Variants in FREM3 observed in about 807,000 individuals in gnomAD.
The protein encoded by FREM3 is FRAS1-related extracellular matrix protein 3.
A neutral mutation model predicts 129.1 loss-of-function variants in FREM3; 105 were observed. The ratio of observed to expected loss-of-function variants is 0.81; its 90% CI spans 0.69 to 0.96. The LOEUF (loss-of-function observed/expected upper bound fraction) is 0.96. Ranked by LOEUF, FREM3 falls within the 40% of genes least tolerant of loss-of-function variation. The probability of loss-of-function intolerance (pLI) is 0.00; values close to 1 mark genes in which losing one functional copy is unlikely to be tolerated. For missense variants in FREM3, 2,593 were observed against 2,666.3 expected, an observed-to-expected ratio of 0.97 and a Z score of 0.61; for synonymous variants, 1,014 against 1,044.9, an observed-to-expected ratio of 0.97 and a Z score of 0.57.
intron 6 of FREM3, among the ~76,000 whole-genome samples, chr4:143,609,611 A>G (rs1045762897): frequency 5.3e-5 from 8 of 152,130 alleles, no homozygotes; most frequent in Admixed American, 1.3e-4. Context: ...TAGTTGCTTC[A>G]ATATCCTAAT....
intron 2 of FREM3, among the ~76,000 whole-genome samples, chr4:143,689,213 T>C (rs1338444359): frequency 6.6e-6 from 1 of 151,800 alleles, no homozygotes; most frequent in East Asian, 1.9e-4. Context: ...AAAAGTGGGC[T>C]TAAGGACATG....
At chr4:143,660,023 T>G (rs879871376) in intron 2 of FREM3, among the ~76,000 whole-genome samples, 32 of 147,332 alleles carry the variant, frequency 2.2e-4, no homozygotes, top group Middle Eastern at 7.0e-3. Flanking sequence ...TTTCTCCCAT[T>G]TTGTAGGTTG....
intron 2 of FREM3, among the ~76,000 whole-genome samples, chr4:143,634,921 C>T (rs149149414): frequency 3.0e-4 from 45 of 152,184 alleles, no homozygotes; most frequent in African/African-American, 9.6e-4. Context: ...AGCTATGCCC[C>T]CACAGGCTTC....
chr4:143,700,231 T>TAGG lies in FREM3; in HGVS notation c.444_445insCCT (p.Pro148dup), dbSNP rs1194250019. The stretch of plus-strand genomic sequence containing the variant: ...GTGAAGGGCAGCACCAGAGTGTGAG[T>TAGG]CGGGGCGTCGTAGCGCAGCTGCAGC... On this transcript the variant is annotated inframe_insertion, in exon 1 of 8. Coordinates refer to ENST00000329798, the MANE Select transcript of FREM3 (RefSeq NM_001168235.2). 9 of 1,536,636 alleles carry TAGG rather than the reference T, an allele frequency of 5.9e-6. No homozygotes were observed. In the Admixed American group the frequency reaches 9.8e-5, roughly 17 times the overall value.
rs79837096 is a variant in FREM3 at position 143,627,980 on chromosome 4, C to G, written c.5276-220G>C. Among the ~76,000 whole-genome samples, 518 of 152,134 alleles carry G rather than the reference C, an allele frequency of 3.4e-3. 4 individuals carry two copies. Among genetic ancestry groups the G allele is most frequent in the African/African-American group, 0.012 (504 of 41,524 alleles). ...TTCCTCCTGCTTAATCTGGAGGGAG[C>G]CAGGTGCCTCCTATTCCCAAAGGGT... On this transcript the variant is annotated intron_variant, in intron 2 of 7. Coordinates refer to ENST00000329798, the MANE Select transcript of FREM3 (RefSeq NM_001168235.2).
intron 2 of FREM3, among the ~76,000 whole-genome samples, chr4:143,656,124 A>T (rs1324783470): frequency 1.3e-5 from 2 of 152,186 alleles, no homozygotes; most frequent in African/African-American, 4.8e-5. Context: ...GAAAACAAGT[A>T]ATTCATGCAT....
chr4:143,585,749 A>G lies in FREM3; in HGVS notation c.6178+95T>C. The stretch of plus-strand genomic sequence containing the variant: ...CCAGAGAAACTTTCATTCAGAGTCC[A>G]TCAACAAAGACTAAGCATGCTTACA... On this transcript the variant is annotated intron_variant, in intron 7 of 7. Transcript: ENST00000329798. This position sits in a 1 kb window ranked among gnomAD's most constrained non-coding sequence, Gnocchi z 4.2. The G allele has an allele frequency of 3.1e-6, 4 of 1,272,328 alleles. No individual in the cohort carries two copies. Among genetic ancestry groups the G allele is most frequent in the Non-Finnish European group, 4.3e-6 (4 of 940,596 alleles). The allele number at this position is 1,272,328 out of a possible 1,614,324, so 78.8% of individuals were successfully genotyped here. A position where few individuals can be genotyped will look rare whatever the true frequency, so the allele number is the denominator to read the frequency against.
At chr4:143,627,292 T>C (rs1034192834) in intron 3 of FREM3, among the ~76,000 whole-genome samples, 20 of 152,174 alleles carry the variant, frequency 1.3e-4, no homozygotes, top group African/African-American at 4.8e-4. Flanking sequence ...AAAACAACTT[T>C]TAAGGAAATT....
intron 2 of FREM3, among the ~76,000 whole-genome samples, chr4:143,668,081 A>T (rs1739897316): frequency 6.6e-6 from 1 of 152,250 alleles, no homozygotes; most frequent in Non-Finnish European, 1.5e-5. Context: ...TAAATAGATG[A>T]AAGTGTTTTA....
At chr4:143,584,931 C>A (rs960565623) in intron 7 of FREM3, among the ~76,000 whole-genome samples, 2 of 152,180 alleles carry the variant, frequency 1.3e-5, no homozygotes, top group Admixed American at 6.5e-5. Flanking sequence ...TCCACACTCT[C>A]AGATTATATA....
intron 3 of FREM3, among the ~76,000 whole-genome samples, chr4:143,627,370 A>T (rs1739058034): frequency 6.6e-6 from 1 of 152,174 alleles, no homozygotes. Context: ...TGAGTTATAA[A>T]AGAGAGAAAG....
chr4:143,581,245 T>C (rs549897932), intron 7 of FREM3, among the ~76,000 whole-genome samples: 2 of 152,282 alleles, frequency 1.3e-5, no homozygotes, highest in South Asian at 4.1e-4. Flanking sequence ...AACCCTTTAG[T>C]CATTGGCGGC....
chr4:143,651,612 A>G (rs930075594), intron 2 of FREM3, among the ~76,000 whole-genome samples: 1 of 152,196 alleles, frequency 6.6e-6, no homozygotes, highest in Non-Finnish European at 1.5e-5. Flanking sequence ...GCTGATTAGT[A>G]AAGTGGTCAA....
At chr4:143,687,215 A>C (rs1380704671) in intron 2 of FREM3, among the ~76,000 whole-genome samples, 1 of 152,162 alleles carries the variant, frequency 6.6e-6, no homozygotes, top group East Asian at 1.9e-4. Context: ...GGCTGCTACG[A>C]ACACCTTTAC....
At position 143,589,537 on chromosome 4, in the gene FREM3, G is replaced by T. The variant is rs1171805621; in HGVS notation, c.6029-3544C>A. ...GCTTGTTTTTCTCAGGTTTGGCAAA[G>T]ATCAGATAGTTGTAGATATGTGGCA... On this transcript the variant is annotated intron_variant, in intron 6 of 7. Coordinates refer to ENST00000329798, the MANE Select transcript of FREM3 (RefSeq NM_001168235.2). Among the ~76,000 whole-genome samples the T allele has an allele frequency of 2.0e-5, 3 of 152,164 alleles. No homozygotes were observed. The South Asian group carries it at 6.2e-4, about 32-fold the overall frequency.
At chr4:143,589,358 G>C (rs542232861) in intron 6 of FREM3, among the ~76,000 whole-genome samples, 1 of 152,178 alleles carries the variant, frequency 6.6e-6, no homozygotes, top group African/African-American at 2.4e-5. Context: ...TTTTTCTAGG[G>C]TTTTTATGGT....
rs181939735 is a variant in FREM3, at chr4:143,661,929, G to A, written c.5275+31184C>T. Among the ~76,000 whole-genome samples the A allele has an allele frequency of 3.1e-3, 471 of 152,040 alleles. 3 individuals are homozygous for A. The highest frequency in any genetic ancestry group is 0.011 in the African/African-American group (456 of 41,482). On this transcript the variant is annotated intron_variant, in intron 2 of 7. Coordinates refer to ENST00000329798, the MANE Select transcript of FREM3 (RefSeq NM_001168235.2). ...TAGTTTGTATTTCTGTGGGATCAGTGGTGATATCCCCTTTATCATTTTTTA... is the reference window on the plus strand; with the variant it reads ...TAGTTTGTATTTCTGTGGGATCAGTAGTGATATCCCCTTTATCATTTTTTA...
At chr4:143,657,956 A>G (rs1300583775) in intron 2 of FREM3, among the ~76,000 whole-genome samples, 1 of 152,086 alleles carries the variant, frequency 6.6e-6, no homozygotes, top group Non-Finnish European at 1.5e-5. Context: ...TGTCACTTCC[A>G]ACTCCTACAC....
rs1205444594 is a variant in FREM3 at position 143,699,447 on chromosome 4, T to G, written c.1229A>C (p.Asp410Ala). 1 of 1,537,268 alleles carries G rather than the reference T, an allele frequency of 6.5e-7. No homozygotes were observed. Among genetic ancestry groups the G allele is most frequent in the East Asian group, 2.4e-5 (1 of 40,906 alleles). Residue 410 changes from aspartate to alanine, a missense_variant, in exon 1 of 8, where the codon GAC becomes GCC. Asp to Ala is a moderately radical substitution (Grantham distance 126). Transcript: ENST00000329798. The surrounding 1 kb of genome is among the most constrained non-coding windows in gnomAD (Gnocchi z 4.2). ...GGGGTCTGAGGCGGCGCCGTCTCCG[T>G]CCACCACCTCCAGCTCCAGCTGAAA... is the stretch of plus-strand genomic sequence containing the variant. ...RLFQLELEVV[D>A]GDGAASDPFA...
Sources: gnomAD v4.1 joint callset for allele counts (sites outside exome capture counted in the v4.1 genomes callset) on GRCh38, gnomAD v4.1.1 for gene constraint, Gnocchi (gnomAD v3.1) non-coding constraint, MANE v1.5 for transcripts, NCBI Gene and HGNC (gene_info 2026-07-23, HGNC 2026-07-21) for gene names.